Variants in LDLRAD4 observed in about 807,000 individuals in gnomAD.
LDLRAD4 encodes low density lipoprotein receptor class A domain containing 4, also known as low-density lipoprotein receptor class A domain-containing protein 4.
In LDLRAD4, 5 loss-of-function variants were observed where a neutral mutation model predicts 17.0. The ratio of observed to expected loss-of-function variants is 0.29; its 90% CI spans 0.15 to 0.62. LDLRAD4 has a LOEUF of 0.62. Among genes scored for constraint, LDLRAD4 ranks in the 20% least tolerant of loss-of-function variants. LDLRAD4 has a pLI of 0.84. For synonymous variants in LDLRAD4, 168 were observed against 171.8 expected (o/e 0.98, Z 0.17); for missense variants, 340 against 424.7 (o/e 0.80, Z 1.75).
chr18:13,608,055 CCCA>C (rs1484423709), intron 3 of LDLRAD4, among the ~76,000 whole-genome samples: 4 of 152,004 alleles, frequency 2.6e-5, no homozygotes, highest in African/African-American at 4.8e-5. Flanking sequence ...AATTTACACT[CCCA>C]CCAACAGTGT....
At chr18:13,497,458 C>T (rs1418065533) in intron 3 of LDLRAD4, among the ~76,000 whole-genome samples, 3 of 151,998 alleles carry the variant, frequency 2.0e-5, no homozygotes, top group Non-Finnish European at 2.9e-5. Context: ...GGATTATAGG[C>T]CTGAGCCACT....
At chr18:13,499,162 C>T (rs192829860) in intron 3 of LDLRAD4, among the ~76,000 whole-genome samples, 32 of 148,846 alleles carry the variant, frequency 2.1e-4, no homozygotes, top group East Asian at 2.0e-3. Flanking sequence ...ACACACGTCG[C>T]GCCGTGGACA....
chr18:13,589,775 G>C (rs2094985886), intron 3 of LDLRAD4, among the ~76,000 whole-genome samples: 1 of 152,206 alleles, frequency 6.6e-6, no homozygotes, highest in South Asian at 2.1e-4. Context: ...GGAGAAGAGG[G>C]TTTGGGAGGA....
intron 3 of LDLRAD4, among the ~76,000 whole-genome samples, chr18:13,493,819 G>A (rs1470463864): frequency 2.0e-5 from 3 of 152,310 alleles, no homozygotes; most frequent in East Asian, 1.9e-4. Flanking sequence ...AAGCCCAGCC[G>A]TGCCGTCCCT....
intron 1 of LDLRAD4, among the ~76,000 whole-genome samples, chr18:13,257,421 A>T (rs2043567356): frequency 6.6e-6 from 1 of 152,106 alleles, no homozygotes; most frequent in South Asian, 2.1e-4. Flanking sequence ...AGACTTGGGG[A>T]TGACACTTTT....
intron 1 of LDLRAD4, among the ~76,000 whole-genome samples, chr18:13,232,116 T>C (rs1362701068): frequency 6.6e-6 from 1 of 152,208 alleles, no homozygotes; most frequent in Non-Finnish European, 1.5e-5. Flanking sequence ...TCTCTCCTGG[T>C]GGGCCATGCA....
At chr18:13,401,552 C>T (rs919417167) in intron 2 of LDLRAD4, among the ~76,000 whole-genome samples, 15 of 152,220 alleles carry the variant, frequency 9.9e-5, no homozygotes, top group African/African-American at 3.1e-4. Context: ...CTGTGCGTCC[C>T]CGAGGCCCTG....
chr18:13,423,767 T>C (rs570831130), intron 2 of LDLRAD4: 1 of 152,690 alleles, frequency 6.5e-6, no homozygotes, highest in African/African-American at 2.4e-5. Flanking sequence ...CCTGTGTTCA[T>C]TGAAATTTTA....
At chr18:13,294,845 C>CT (rs1011784604) in intron 1 of LDLRAD4, among the ~76,000 whole-genome samples, 13 of 150,024 alleles carry the variant, frequency 8.7e-5, no homozygotes, top group African/African-American at 3.2e-4. Context: ...AAAAAGTTGT[C>CT]TTTTTAGCTT....
At chr18:13,389,320 C>T (rs934992336) in intron 2 of LDLRAD4, among the ~76,000 whole-genome samples, 2 of 150,858 alleles carry the variant, frequency 1.3e-5, no homozygotes, top group Non-Finnish European at 1.5e-5. Context: ...GCAGCTCCCT[C>T]GTGGATACTC....
At chr18:13,460,777 T>C (rs2092388020) in intron 3 of LDLRAD4, among the ~76,000 whole-genome samples, 1 of 152,208 alleles carries the variant, frequency 6.6e-6, no homozygotes, top group African/African-American at 2.4e-5. Context: ...ATTATTTTAA[T>C]ATTATATACA....
At chr18:13,444,021 G>T (rs1442304172) in intron 3 of LDLRAD4, among the ~76,000 whole-genome samples, 1 of 152,172 alleles carries the variant, frequency 6.6e-6, no homozygotes, top group Non-Finnish European at 1.5e-5. Context: ...ACCAAATTCT[G>T]TCCTTTTTTC....
intron 3 of LDLRAD4, chr18:13,612,709 C>G: frequency 6.2e-7 from 1 of 1,613,600 alleles, no homozygotes; most frequent in Non-Finnish European, 8.5e-7. Flanking sequence ...CTGATTATGT[C>G]CAGTGACCAC....
intron 1 of LDLRAD4, chr18:13,366,004 A>T (rs1296878884): frequency 1.3e-5 from 2 of 152,108 alleles, no homozygotes; most frequent in Non-Finnish European, 2.9e-5. Flanking sequence ...CCAACTCCTG[A>T]CCTCATGATC....
chr18:13,570,095 G>A (rs1368240139), intron 3 of LDLRAD4, among the ~76,000 whole-genome samples: 4 of 152,054 alleles, frequency 2.6e-5, no homozygotes, highest in Non-Finnish European at 2.9e-5. Context: ...AAAATCATTA[G>A]GCCTTTGAAG....
chr18:13,577,877 A>C (rs1379863150), intron 3 of LDLRAD4, among the ~76,000 whole-genome samples: 1 of 152,206 alleles, frequency 6.6e-6, no homozygotes, highest in East Asian at 1.9e-4. Flanking sequence ...TTTGTCCTGT[A>C]ATGTTTCCTT....
rs188626654 is a variant in LDLRAD4 at position 13,299,367 on chromosome 18, A to G, written c.-383+21179A>G. ...CTGGTCTCATCACAAGGTGGGTAGC[A>G]TCTATCCTCTGCCTTACACCTCCCC... On this transcript the variant is annotated intron_variant, in intron 1 of 5. Coordinates refer to ENST00000359446, the Ensembl canonical transcript of LDLRAD4. Among the ~76,000 whole-genome samples the G allele has an allele frequency of 2.0e-3, 306 of 152,366 alleles. 4 individuals are homozygous for G. The highest frequency in any genetic ancestry group is 2.5e-3 in the Non-Finnish European group (172 of 68,040).
chr18:13,493,250 G>T (rs1052396028), intron 3 of LDLRAD4, among the ~76,000 whole-genome samples: 2 of 152,224 alleles, frequency 1.3e-5, no homozygotes, highest in Non-Finnish European at 2.9e-5. Context: ...CTGGGAAAGT[G>T]TATGTCCTCA....
intron 3 of LDLRAD4, among the ~76,000 whole-genome samples, chr18:13,580,088 A>G (rs1601525435): frequency 6.6e-6 from 1 of 152,038 alleles, no homozygotes; most frequent in Non-Finnish European, 1.5e-5. Flanking sequence ...TCTCATTTCC[A>G]CTGACACTTC....
Sources: gnomAD v4.1 joint callset for allele counts (sites outside exome capture counted in the v4.1 genomes callset) on GRCh38, gnomAD v4.1.1 for gene constraint, MANE v1.5 for transcripts, NCBI Gene and HGNC (gene_info 2026-07-23, HGNC 2026-07-21) for gene names.